Variants in UBR4 observed in about 807,000 individuals in gnomAD.
UBR4 encodes the protein E3 ubiquitin-protein ligase UBR4.
UBR4 carries 124 observed loss-of-function variants against 575.6 expected under a neutral mutation model. That is an observed-to-expected ratio of 0.22 (90% CI 0.19 to 0.25). UBR4 has a LOEUF of 0.25. Among genes scored for constraint, UBR4 ranks in the 10% least tolerant of loss-of-function variants. The pLI is 1.00. For synonymous variants in UBR4, 2,455 were observed against 2,473.7 expected, an observed-to-expected ratio of 0.99 and a Z score of 0.22; for missense variants, 4,818 against 6,478.8, an observed-to-expected ratio of 0.74 and a Z score of 8.80.
intron 17 of UBR4, among the ~76,000 whole-genome samples, chr1:19,183,319 TA>T (rs1364735552): frequency 6.6e-6 from 1 of 152,188 alleles, no homozygotes; most frequent in East Asian, 1.9e-4. Context: ...ATAAAAGACA[TA>T]TTTTTTTTTC....
intron 104 of UBR4, among the ~76,000 whole-genome samples, 164 bp from the exon 105 acceptor site, chr1:19,077,066 G>A (rs1307619494): frequency 6.6e-6 from 1 of 152,128 alleles, no homozygotes; most frequent in South Asian, 2.1e-4. Flanking sequence ...CTCCAGGAAC[G>A]ACACAATTTC....
chr1:19,175,131 T>C (rs886220575), intron 20 of UBR4, 98 bp from the exon 21 acceptor site: 1 of 1,154,000 alleles, frequency 8.7e-7, no homozygotes, highest in African/African-American at 1.6e-5. Context: ...TAATAAGGTT[T>C]CCCAACCTTA....
chr1:19,141,016 A>G, intron 57 of UBR4, 124 bp from the exon 58 acceptor site: 1 of 1,038,764 alleles, frequency 9.6e-7, no homozygotes, highest in Non-Finnish European at 1.4e-6. Context: ...GGCCTAGAGG[A>G]AGTTAGCTAG....
intron 70 of UBR4, among the ~76,000 whole-genome samples, 183 bp from the exon 71 acceptor site, chr1:19,119,140 C>G (rs959878784): frequency 6.6e-6 from 1 of 152,206 alleles, no homozygotes; most frequent in African/African-American, 2.4e-5. Flanking sequence ...TTAGAAGTTT[C>G]CATGAGCTTT....
rs748258887 is a variant in UBR4, at chr1:19,110,421, A to T, written c.11936T>A (p.Ile3979Asn). 8.1e-6 allele frequency: 13 copies of T among 1,614,110 alleles called. No homozygotes were observed. The highest frequency in any genetic ancestry group is 1.1e-5 in the Non-Finnish European group (13 of 1,180,030). The change falls in exon 80 of 106, where the codon ATC becomes AAC. Residue 3979 changes from isoleucine (I) to asparagine (N), a missense_variant. Around this residue, in one of 29 missense-constraint regions of UBR4, gnomAD observed 333 missense variants for 459.2 expected, o/e 0.73. Coordinates refer to ENST00000375254, the MANE Select transcript of UBR4 (RefSeq NM_020765.3). The surrounding 1 kb of genome is among the most constrained non-coding windows in gnomAD (Gnocchi z 4.5). ...QYEMLLLTDS[I>N]SKEDSCWELR... The stretch of plus-strand genomic sequence containing the variant: ...CTCCCAGCAGCTGTCCTCCTTGGAG[A>T]TAGAATCCGTCAGCAGCAGCATTTC...
intron 55 of UBR4, among the ~76,000 whole-genome samples, chr1:19,143,767 T>C (rs932368272): frequency 2.0e-5 from 3 of 152,228 alleles, no homozygotes; most frequent in Non-Finnish European, 4.4e-5. Context: ...TATTTTCCCA[T>C]GGCCTTTAAT....
At chr1:19,132,976 TAAATA>T (rs1384010756) in intron 60 of UBR4, among the ~76,000 whole-genome samples, 1 of 152,196 alleles carries the variant, frequency 6.6e-6, no homozygotes, top group Non-Finnish European at 1.5e-5. Flanking sequence ...AATCTTCCCT[TAAATA>T]AAGTCCAGAC....
intron 64 of UBR4, among the ~76,000 whole-genome samples, chr1:19,125,054 A>G (rs1267735817): frequency 6.6e-6 from 1 of 152,214 alleles, no homozygotes; most frequent in Non-Finnish European, 1.5e-5. Flanking sequence ...TCTGACTTCT[A>G]TGAGATGTAT....
At chr1:19,197,077 T>C (rs1178767657) in intron 8 of UBR4, 64 bp downstream of exon 8, 2 of 1,570,306 alleles carry the variant, frequency 1.3e-6, no homozygotes, top group Admixed American at 1.8e-5. Context: ...AGGATTTTCA[T>C]GGTTTCCTGA....
In UBR4 at chr1:19,074,552, G is replaced by C. The variant is rs2075743295; in HGVS notation, c.*280C>G. 4.1e-6 allele frequency: 2 copies of C among 489,608 alleles called. No individual in the cohort carries two copies. Among genetic ancestry groups the C allele is most frequent in the Non-Finnish European group, 7.5e-6 (2 of 268,070 alleles). The allele number at this position is 489,608 out of a possible 1,614,324, so 30.3% of individuals were successfully genotyped here. ...GTCACTTGTTTATTTCTCAAGATGTGCACACTCAAGTATGAAGCTGGCCGG... is the reference window on the plus strand; with the variant it reads ...GTCACTTGTTTATTTCTCAAGATGTCCACACTCAAGTATGAAGCTGGCCGG... On this transcript the variant is annotated 3_prime_UTR_variant, in exon 106 of 106. Transcript: ENST00000375254.
chr1:19,158,148 G>A, intron 39 of UBR4, 151 bp from the exon 40 acceptor site: 5 of 701,726 alleles, frequency 7.1e-6, no homozygotes, highest in Non-Finnish European at 1.2e-5. Flanking sequence ...CTGTGTAAAT[G>A]TGTTAAAGTT....
chr1:19,154,998 A>G lies in UBR4; in HGVS notation c.6378T>C (p.Tyr2126=). The G allele has an allele frequency of 6.2e-7, 1 of 1,614,202 alleles. No individual in the cohort carries two copies. The highest frequency in any genetic ancestry group is 2.2e-5 in the East Asian group (1 of 44,886). ...SHVLQMLFFS[Y]CQGKSFAATI... ...TGGCTGCGAATGATTTGCCTTGACAATAGCTGAAGAACAACATCTGCAACA... is the reference window on the plus strand; with the variant it reads ...TGGCTGCGAATGATTTGCCTTGACAGTAGCTGAAGAACAACATCTGCAACA... The change falls in exon 44 of 106, where the codon TAT becomes TAC. Residue 2126 remains tyrosine, a synonymous_variant. Transcript: ENST00000375254.
In UBR4 at chr1:19,100,721, G is replaced by T; in HGVS notation, c.13024-148C>A. 1 of 742,692 alleles carries T rather than the reference G, an allele frequency of 1.3e-6. No individual in the cohort carries two copies. Among genetic ancestry groups the T allele is most frequent in the Non-Finnish European group, 2.2e-6 (1 of 462,538 alleles). 46.0% of individuals were successfully genotyped at this position (742,692 alleles called of 1,614,324 possible). ...AAAGATACAAAGGACAGGAAACTCA[G>T]AGGTACTTCCAAAAATCTAAACAAA... On this transcript the variant is annotated intron_variant, in intron 88 of 105. Coordinates refer to ENST00000375254, the MANE Select transcript of UBR4 (RefSeq NM_020765.3). This position sits in a 1 kb window ranked among gnomAD's most constrained non-coding sequence, Gnocchi z 4.2.
At chr1:19,190,753 C>G (rs1167231921) in intron 11 of UBR4, among the ~76,000 whole-genome samples, 1 of 152,188 alleles carries the variant, frequency 6.6e-6, no homozygotes, top group African/African-American at 2.4e-5. Context: ...GGCCTCTTTT[C>G]TCAGCCTTTG....
intron 1 of UBR4, among the ~76,000 whole-genome samples, chr1:19,207,238 A>G (rs1297179954): frequency 6.6e-6 from 1 of 152,258 alleles, no homozygotes; most frequent in Non-Finnish European, 1.5e-5. Flanking sequence ...GGCCCACCTC[A>G]GCATCTACAG....
At chr1:19,166,949 C>T (rs2088597496) in intron 29 of UBR4, 73 bp downstream of exon 29, 1 of 1,491,924 alleles carries the variant, frequency 6.7e-7, no homozygotes, top group South Asian at 1.1e-5. Context: ...GACCTAAAGG[C>T]AGCAGTGTTA....
At position 19,093,284 on chromosome 1, in the gene UBR4, A is replaced by T. The variant is rs371507422; in HGVS notation, c.14111+29T>A. On this transcript the variant is annotated intron_variant, in intron 96 of 105. Coordinates refer to ENST00000375254, the MANE Select transcript of UBR4 (RefSeq NM_020765.3). This position sits in a 1 kb window ranked among gnomAD's most constrained non-coding sequence, Gnocchi z 4.8. ...AAAGGAAAGGGCAAAGCGAAGGCAA[A>T]GCAGCCCCGCTGCGGGAGGGCTTCA... 6 of 1,606,556 alleles carry T rather than the reference A, an allele frequency of 3.7e-6. No individual in the cohort carries two copies. Among genetic ancestry groups the T allele is most frequent in the South Asian group, 1.1e-5 (1 of 90,456 alleles).
Position 19,106,876 on chromosome 1 carries a change from C to A in UBR4, c.12196G>T (p.Ala4066Ser). 3 of 1,613,886 alleles carry A rather than the reference C, an allele frequency of 1.9e-6. No individual in the cohort carries two copies. Among genetic ancestry groups the A allele is most frequent in the Non-Finnish European group, 2.5e-6 (3 of 1,179,994 alleles). Residue 4066 changes from alanine to serine, a missense_variant, in exon 82 of 106, where the codon GCA becomes TCA. Ala to Ser is a moderately conservative substitution (Grantham distance 99). This residue lies in a region of UBR4 where 333 missense variants were observed against 459.2 expected (regional missense o/e 0.73). Coordinates refer to ENST00000375254, the MANE Select transcript of UBR4 (RefSeq NM_020765.3). ...CACTTCTTCCAGGCATCATAGGATG[C>A]CTTGGGGTCTCTCTTGAGCCACAGT... ...AQLWLKRDPK[A>S]SYDAWKKCLP... is the part of the protein sequence containing the mutation.
chr1:19,120,424 A>G lies in UBR4; in HGVS notation c.10142-76T>C, dbSNP rs374649350. 47 of 1,506,470 alleles carry G rather than the reference A, an allele frequency of 3.1e-5. No homozygotes were observed. The African/African-American group carries it at 5.3e-4, about 17-fold the overall frequency. The allele number at this position is 1,506,470 out of a possible 1,614,324, so 93.3% of individuals were successfully genotyped here. ...AGGGTCCTAAGGCCTGGGCTACCAA[A>G]TGGTGAGGGAGGGAATTCTGTCCAT... On this transcript the variant is annotated intron_variant, in intron 68 of 105. Transcript: ENST00000375254.
Sources: allele counts gnomAD v4.1 joint callset (sites outside exome capture counted in the v4.1 genomes callset), GRCh38; gene constraint gnomAD v4.1.1; regional missense constraint gnomAD v4.1.1; non-coding constraint Gnocchi (gnomAD v3.1); transcripts MANE v1.5; gene names NCBI Gene and HGNC (gene_info 2026-07-23, HGNC 2026-07-21).